The following GPC5 variants were observed in gnomAD, a reference collection of about 807,000 sequenced individuals.
GPC5 encodes glypican 5.
GPC5 carries 47 observed loss-of-function variants against 53.9 expected under a neutral mutation model. The ratio of observed to expected loss-of-function variants is 0.87; its 90% CI spans 0.69 to 1.11. The LOEUF (loss-of-function observed/expected upper bound fraction) is 1.11. Among genes scored for constraint, GPC5 ranks in the 50% most tolerant of loss-of-function variants. GPC5 has a pLI of 0.00. For synonymous variants in GPC5, 286 were observed against 263.3 expected (o/e 1.09, Z -0.84); for missense variants, 748 against 713.1 (o/e 1.05, Z -0.56).
At chr13:92,623,142 G>T (rs561113437) in intron 7 of GPC5, among the ~76,000 whole-genome samples, 1 of 151,890 alleles carries the variant, frequency 6.6e-6, no homozygotes, top group Admixed American at 6.6e-5. Flanking sequence ...CTCCAGCCTG[G>T]GTGACAGAGT....
chr13:91,505,023 A>G (rs1229043223), intron 2 of GPC5, among the ~76,000 whole-genome samples: 1 of 152,182 alleles, frequency 6.6e-6, no homozygotes, highest in East Asian at 1.9e-4. Flanking sequence ...GATATATCAC[A>G]TGGTTTCATA....
chr13:91,727,443 C>A (rs1238096307), intron 3 of GPC5, among the ~76,000 whole-genome samples: 1 of 152,112 alleles, frequency 6.6e-6, no homozygotes, highest in East Asian at 1.9e-4. Context: ...TTTATTTCTT[C>A]CCTCTTAAAT....
chr13:92,046,087 C>A (rs2040979794), intron 6 of GPC5, among the ~76,000 whole-genome samples: 1 of 151,074 alleles, frequency 6.6e-6, no homozygotes, highest in African/African-American at 2.4e-5. Context: ...CTCCACACTC[C>A]AGACTGGGCA....
intron 2 of GPC5, among the ~76,000 whole-genome samples, chr13:91,506,256 A>G (rs2139314532): frequency 6.6e-6 from 1 of 152,308 alleles, no homozygotes; most frequent in African/African-American, 2.4e-5. Context: ...AGAGCATAAT[A>G]AATATAATTT....
chr13:92,478,183 A>G (rs1327308180), intron 7 of GPC5, among the ~76,000 whole-genome samples: 1 of 152,170 alleles, frequency 6.6e-6, no homozygotes, highest in East Asian at 1.9e-4. Context: ...TATCTTGATA[A>G]TTAACATTAT....
intron 5 of GPC5, among the ~76,000 whole-genome samples, chr13:91,855,076 AG>A (rs2038952720): frequency 6.6e-6 from 1 of 151,814 alleles, no homozygotes; most frequent in Admixed American, 6.6e-5. Flanking sequence ...TATTTTAAAA[AG>A]ATACTCATTT....
intron 2 of GPC5, among the ~76,000 whole-genome samples, chr13:91,463,199 T>A (rs1882042679): frequency 6.6e-6 from 1 of 152,114 alleles, no homozygotes; most frequent in African/African-American, 2.4e-5. Context: ...CTAGATTACT[T>A]AAAATACTTA....
chr13:91,865,314 T>C (rs933410965), intron 5 of GPC5, among the ~76,000 whole-genome samples: 2 of 152,178 alleles, frequency 1.3e-5, no homozygotes, highest in Admixed American at 1.3e-4. Flanking sequence ...TTTTCTTTTC[T>C]GTTTTCCACT....
chr13:92,705,622 T>C (rs1450326439), intron 7 of GPC5, among the ~76,000 whole-genome samples: 1 of 152,144 alleles, frequency 6.6e-6, no homozygotes, highest in East Asian at 1.9e-4. Context: ...TAATCTCAAC[T>C]ACATGTTTTC....
At chr13:92,647,978 A>AG (rs762784489) in intron 7 of GPC5, among the ~76,000 whole-genome samples, 32 of 152,072 alleles carry the variant, frequency 2.1e-4, no homozygotes, top group Non-Finnish European at 4.4e-4. Context: ...CTGCAACCAA[A>AG]TGTGTTCATC....
rs1882887488 is a variant in GPC5, at chr13:91,475,692, A to G, written c.325+26770A>G. 2.0e-5 allele frequency among the ~76,000 whole-genome samples: 3 copies of G among 152,212 alleles called. No homozygotes were observed. The South Asian group carries it at 6.2e-4, about 32-fold the overall frequency. On this transcript the variant is annotated intron_variant, in intron 2 of 7. Transcript: ENST00000377067. ...TGTATCCATTTTGGGGCCCAGATGA[A>G]GGGGAGGCAGCTACTTCAGAGGACT...
chr13:91,564,945 T>C (rs374565645), intron 2 of GPC5, among the ~76,000 whole-genome samples: 12 of 150,172 alleles, frequency 8.0e-5, no homozygotes, highest in African/African-American at 2.4e-4. Flanking sequence ...TTCTAGGTCA[T>C]GGTTAGTTAT....
chr13:91,936,648 G>C (rs2039874214), intron 6 of GPC5, among the ~76,000 whole-genome samples: 1 of 152,006 alleles, frequency 6.6e-6, no homozygotes, highest in South Asian at 2.1e-4. Context: ...GAGAGAATAG[G>C]AAACAAATAG....
At chr13:92,616,257 A>G (rs1443486053) in intron 7 of GPC5, among the ~76,000 whole-genome samples, 3 of 152,326 alleles carry the variant, frequency 2.0e-5, no homozygotes, top group South Asian at 2.1e-4. Flanking sequence ...AGGGCATTTT[A>G]ATATAAAAAT....
At chr13:91,453,125 G>C (rs2139112774) in intron 2 of GPC5, among the ~76,000 whole-genome samples, 1 of 151,736 alleles carries the variant, frequency 6.6e-6, no homozygotes, top group Non-Finnish European at 1.5e-5. Flanking sequence ...TTGATTCCTT[G>C]ATTATATGTT....
chr13:91,422,268 T>C (rs1242132893), intron 1 of GPC5, among the ~76,000 whole-genome samples: 4 of 152,204 alleles, frequency 2.6e-5, no homozygotes, highest in Non-Finnish European at 4.4e-5. Flanking sequence ...CTCAGTATTT[T>C]ACTCTTAAAT....
intron 5 of GPC5, among the ~76,000 whole-genome samples, chr13:91,764,387 C>T (rs1297958873): frequency 2.0e-5 from 3 of 152,080 alleles, no homozygotes; most frequent in African/African-American, 7.2e-5. Context: ...TCTTGTTAAG[C>T]GTGTGTAATC....
intron 5 of GPC5, among the ~76,000 whole-genome samples, chr13:91,787,960 C>G (rs1025901780): frequency 2.6e-5 from 4 of 152,050 alleles, no homozygotes; most frequent in African/African-American, 9.7e-5. Context: ...GAAGAATTTA[C>G]CAGCTAATTT....
In GPC5 at chr13:92,087,144, T is replaced by A. The variant is rs528891539; in HGVS notation, c.1402-57686T>A. Among the ~76,000 whole-genome samples the A allele has an allele frequency of 2.6e-5, 4 of 152,338 alleles. No homozygotes were observed. The East Asian group carries it at 7.7e-4, about 29-fold the overall frequency. ...CATCTTGATACTTTGTTAAACAGGA[T>A]CTATCAAGAGACAGAATAGAGAGAT... On this transcript the variant is annotated intron_variant, in intron 6 of 7. Transcript: ENST00000377067.
Sources: gnomAD v4.1 joint callset for allele counts (sites outside exome capture counted in the v4.1 genomes callset) on GRCh38, gnomAD v4.1.1 for gene constraint, MANE v1.5 for transcripts, NCBI Gene and HGNC (gene_info 2026-07-23, HGNC 2026-07-21) for gene names.